TMTC4: variants seen among roughly 807,000 people sequenced by gnomAD.
TMTC4 encodes the protein transmembrane O-mannosyltransferase targeting cadherins 4, also known as protein O-mannosyl-transferase TMTC4.
A neutral mutation model predicts 86.0 loss-of-function variants in TMTC4; 65 were observed. That is an observed-to-expected ratio of 0.76 (90% confidence interval 0.62 to 0.93). The LOEUF is 0.93. Ranked by LOEUF, TMTC4 falls within the 40% of genes least tolerant of loss-of-function variation. The probability of loss-of-function intolerance (pLI) is 0.00; values close to 1 mark genes in which losing one functional copy is unlikely to be tolerated. For synonymous variants in TMTC4, 379 were observed against 382.5 expected, an observed-to-expected ratio of 0.99 and a Z score of 0.11; for missense variants, 866 against 948.1, an observed-to-expected ratio of 0.91 and a Z score of 1.14.
At position 100,625,589 on chromosome 13, in the gene TMTC4, T is replaced by C. The variant is rs1430661603; in HGVS notation, c.1782A>G (p.Thr594=). 6 of 1,614,244 alleles carry C rather than the reference T, an allele frequency of 3.7e-6. No individual in the cohort carries two copies. The highest frequency in any genetic ancestry group is 5.1e-6 in the Non-Finnish European group (6 of 1,180,044). ...GGTATTTCCTTCTGTGTTTAATTGC[T>C]GTCCGGTAACTTTGCTCTGCTGCTT... ...RFEAAEQSYR[T]AIKHRRKYPD... Residue 594 remains threonine (T), a synonymous_variant, in exon 15 of 19, where the codon ACA becomes ACG. Coordinates refer to ENST00000342624, the MANE Select transcript of TMTC4 (RefSeq NM_032813.5).
chr13:100,608,675 C>T (rs1877049633), intron 17 of TMTC4, among the ~76,000 whole-genome samples: 1 of 152,124 alleles, frequency 6.6e-6, no homozygotes, highest in African/African-American at 2.4e-5. Context: ...CTTCTAATGG[C>T]CTCATTCAGG....
At position 100,638,010 on chromosome 13, in the gene TMTC4, C is replaced by T. The variant is rs757474439; in HGVS notation, c.754G>A (p.Val252Ile). The change falls in exon 8 of 19, where the codon GTA becomes ATA. Residue 252 changes from valine to isoleucine, a missense_variant. By Grantham distance (29) the Val-to-Ile change is conservative. Coordinates refer to ENST00000342624, the MANE Select transcript of TMTC4 (RefSeq NM_032813.5). The part of the protein sequence containing the change: ...QGITVLGLNA[V>I]FDILVIGKFN... The stretch of plus-strand genomic sequence containing the variant: ...TTGCCTATCACCAAGATGTCAAATA[C>T]CGCATTTAAACCCTAAGAAAGCAAA... The T allele has an allele frequency of 6.8e-6, 11 of 1,613,900 alleles. No homozygotes were observed. Among genetic ancestry groups the T allele is most frequent in the Admixed American group, 1.7e-5 (1 of 59,992 alleles).
intron 6 of TMTC4, among the ~76,000 whole-genome samples, chr13:100,644,184 C>A (rs1315419571): frequency 6.7e-6 from 1 of 150,244 alleles, no homozygotes; most frequent in African/African-American, 2.5e-5. Context: ...CGGGTCACTG[C>A]AAGTTCCGCC....
chr13:100,603,691 C>T lies in TMTC4; in HGVS notation c.*1303G>A, dbSNP rs9585469. On this transcript the variant is annotated 3_prime_UTR_variant, in exon 19 of 19. Coordinates refer to ENST00000342624, the MANE Select transcript of TMTC4 (RefSeq NM_032813.5). ...CAGAAGTTACAATCACTGACTGAAA[C>T]ACTACACAGACCTGCCCCCAACACG... is the stretch of plus-strand genomic sequence containing the variant. 6.0e-3 allele frequency among the ~76,000 whole-genome samples: 909 copies of T among 152,232 alleles called. 7 individuals are homozygous for T. The highest frequency in any genetic ancestry group is 0.02 in the African/African-American group (849 of 41,536).
At chr13:100,612,287 A>G (rs1329318240) in intron 17 of TMTC4, 111 bp downstream of exon 17, 1 of 812,838 alleles carries the variant, frequency 1.2e-6, no homozygotes, top group African/African-American at 1.7e-5. Context: ...TTGGTGCACC[A>G]CTGCCACTGT....
intron 7 of TMTC4, 126 bp from the exon 8 acceptor site, chr13:100,638,148 T>C: frequency 1.5e-6 from 1 of 647,884 alleles, no homozygotes; most frequent in Non-Finnish European, 2.6e-6. Context: ...ACGGAAGACC[T>C]CTGCAGCTCT....
At chr13:100,670,859 T>C (rs991536460) in intron 1 of TMTC4, 4 of 153,616 alleles carry the variant, frequency 2.6e-5, no homozygotes, top group African/African-American at 9.7e-5. Context: ...GACTGAGAGG[T>C]GCGAGTATTG....
chr13:100,657,061 T>C (rs920069361), intron 5 of TMTC4, among the ~76,000 whole-genome samples: 2 of 152,156 alleles, frequency 1.3e-5, no homozygotes, highest in Admixed American at 6.5e-5. Context: ...GACGGCGATA[T>C]GCACGTGCCA....
At chr13:100,664,168 G>T in intron 4 of TMTC4, 53 bp downstream of exon 4, 1 of 1,474,552 alleles carries the variant, frequency 6.8e-7, no homozygotes, top group Non-Finnish European at 9.2e-7. Context: ...TGTATCCAAT[G>T]TCACACACAA....
rs145755273 is a variant in TMTC4, at chr13:100,666,058, C to T, written c.220-1722G>A. On this transcript the variant is annotated intron_variant, in intron 3 of 18. Transcript: ENST00000342624. ...CTCCCTTTGAACAGGAAATGAACAC[C>T]AACGAGGTTCTAAATATTTGATTAA... 1,710 of 456,572 alleles carry T rather than the reference C, an allele frequency of 3.7e-3. 3 individuals are homozygous for T. Among genetic ancestry groups the T allele is most frequent in the Non-Finnish European group, 4.5e-3 (1,020 of 226,900 alleles). 28.3% of individuals were successfully genotyped at this position (456,572 alleles called of 1,614,324 possible). A position where few individuals can be genotyped will look rare whatever the true frequency, so the allele number is the denominator to read the frequency against.
intron 12 of TMTC4, among the ~76,000 whole-genome samples, chr13:100,627,834 C>T (rs4772317): frequency 0.33 from 49,871 of 151,856 alleles, 8,540 homozygotes; most frequent in East Asian, 0.59. Context: ...AAACAAATCC[C>T]GTGGTGGGAA....
intron 17 of TMTC4, among the ~76,000 whole-genome samples, chr13:100,607,534 C>T (rs761207836): frequency 4.0e-5 from 6 of 148,398 alleles, no homozygotes; most frequent in Non-Finnish European, 8.9e-5. Context: ...AAAAAAAAAT[C>T]GGTATCACAC....
At chr13:100,663,862 T>C (rs1178987223) in intron 4 of TMTC4, among the ~76,000 whole-genome samples, 1 of 152,212 alleles carries the variant, frequency 6.6e-6, no homozygotes, top group African/African-American at 2.4e-5. Flanking sequence ...CTTTTGCATA[T>C]TGACTTGGTA....
chr13:100,641,335 C>T (rs1259930164), intron 7 of TMTC4, among the ~76,000 whole-genome samples: 1 of 152,160 alleles, frequency 6.6e-6, no homozygotes, highest in African/African-American at 2.4e-5. Context: ...TTGGTTCCAG[C>T]GTTGCTTGAA....
At chr13:100,618,025 T>C (rs1878783881) in intron 15 of TMTC4, among the ~76,000 whole-genome samples, 1 of 152,352 alleles carries the variant, frequency 6.6e-6, no homozygotes, top group South Asian at 2.1e-4. Flanking sequence ...CAGTGTTTTG[T>C]AGTTCTCCTT....
intron 3 of TMTC4, 29 bp downstream of exon 3, chr13:100,668,550 G>A (rs764043527): frequency 6.2e-7 from 1 of 1,604,486 alleles, no homozygotes; most frequent in Non-Finnish European, 8.5e-7. Flanking sequence ...GGGCAGTTAA[G>A]TTTACCAGAA....
At position 100,609,701 on chromosome 13, in the gene TMTC4, A is replaced by C. The variant is rs141172965; in HGVS notation, c.2064+2697T>G. 3.9e-3 allele frequency among the ~76,000 whole-genome samples: 595 copies of C among 151,840 alleles called. 6 individuals are homozygous for C. Among genetic ancestry groups the C allele is most frequent in the African/African-American group, 0.013 (526 of 41,392 alleles). On this transcript the variant is annotated intron_variant, in intron 17 of 18. Transcript: ENST00000342624. ...TATATACACACACACACACACACAC[A>C]CCCATACATATATACATATACATAT...
At chr13:100,675,046 G>C (rs1887695109), upstream of TMTC4, 1 of 985,586 alleles carries the variant, frequency 1.0e-6, no homozygotes, top group Admixed American at 6.1e-5. Flanking sequence ...CGGCGGCGAA[G>C]GAGGCGCAGG....
rs200662494 is a variant in TMTC4, at chr13:100,625,619, C to T, written c.1752G>A (p.Arg584=). 3.7e-6 allele frequency: 6 copies of T among 1,614,228 alleles called. No individual in the cohort carries two copies. The East Asian group carries it at 1.1e-4, about 30-fold the overall frequency. Residue 584 remains arginine (R), a synonymous_variant, in exon 15 of 19, where the codon CGG becomes CGA. Coordinates refer to ENST00000342624, the MANE Select transcript of TMTC4 (RefSeq NM_032813.5). ...NLGIVQNSLK[R]FEAAEQSYRT... is the part of the protein sequence containing the mutation. ...GGTAACTTTGCTCTGCTGCTTCAAA[C>T]CGTTTCAGGCTATTCTGCACTATGC...
Sources: allele counts gnomAD v4.1 joint callset (sites outside exome capture counted in the v4.1 genomes callset), GRCh38; gene constraint gnomAD v4.1.1; transcripts MANE v1.5; gene names NCBI Gene and HGNC (gene_info 2026-07-23, HGNC 2026-07-21).